The following USP3 variants were observed in gnomAD, a reference collection of about 807,000 sequenced individuals.
USP3 encodes ubiquitin specific peptidase 3.
USP3 carries 20 observed loss-of-function variants against 72.3 expected under a neutral mutation model. That is an observed-to-expected ratio of 0.28 (90% CI 0.19 to 0.40). USP3 has a LOEUF of 0.40. Ranked by LOEUF, USP3 falls within the 10% of genes least tolerant of loss-of-function variation. The pLI, the probability that USP3 is intolerant of heterozygous loss-of-function variation, is 1.00. For missense variants in USP3, 479 were observed against 633.9 expected (o/e 0.76, Z 2.62); for synonymous variants, 222 against 225.3 (o/e 0.99, Z 0.13).
Position 63,529,178 on chromosome 15 carries a change from G to GTT in USP3, c.92-3457_92-3456dup, listed in dbSNP as rs11351032. The GTT allele has an allele frequency of 1.8e-3, 856 of 487,592 alleles. No homozygotes were observed. Among genetic ancestry groups the GTT allele is most frequent in the East Asian group, 2.5e-3 (32 of 13,008 alleles). The allele number at this position is 487,592 out of a possible 1,614,324, so 30.2% of individuals were successfully genotyped here. ...ACCACACTTGGCAGGTAGTAAAGTG[G>GTT]TTTTTTTTTTTTTCTTTTTTTTGAG... On this transcript the variant is annotated intron_variant, in intron 1 of 14. Transcript: ENST00000380324. This position sits in a 1 kb window ranked among gnomAD's most constrained non-coding sequence, Gnocchi z 4.2.
intron 9 of USP3, among the ~76,000 whole-genome samples, chr15:63,573,776 T>A (rs2066817763): frequency 6.6e-6 from 1 of 152,188 alleles, no homozygotes; most frequent in Admixed American, 6.5e-5. Flanking sequence ...TGTGTTATGA[T>A]AGCAAATGGC....
At chr15:63,578,330 C>T (rs1054092105) in intron 11 of USP3, among the ~76,000 whole-genome samples, 9 of 150,384 alleles carry the variant, frequency 6.0e-5, no homozygotes, top group African/African-American at 2.2e-4. Context: ...CTTGGCCAGG[C>T]GTGGTGGCTG....
At chr15:63,512,122 A>AT (rs2065791648) in intron 1 of USP3, among the ~76,000 whole-genome samples, 1 of 151,716 alleles carries the variant, frequency 6.6e-6, no homozygotes, top group Non-Finnish European at 1.5e-5. Context: ...TACCCGGCTA[A>AT]TTTTTTGTAT....
chr15:63,567,794 T>C (rs1171019287), intron 8 of USP3, among the ~76,000 whole-genome samples: 4 of 152,228 alleles, frequency 2.6e-5, no homozygotes, highest in Non-Finnish European at 5.9e-5. Flanking sequence ...TCATTTTTTA[T>C]TGGAACATTT....
intron 1 of USP3, among the ~76,000 whole-genome samples, chr15:63,511,752 G>C (rs1022678197): frequency 1.3e-5 from 2 of 152,094 alleles, no homozygotes; most frequent in African/African-American, 2.4e-5. Flanking sequence ...GAGGTGGTTT[G>C]TTGTAGGGTG....
In USP3 at chr15:63,504,613, C is replaced by T. The variant is rs970224361; in HGVS notation, c.-127C>T. 1.3e-6 allele frequency: 1 copy of T among 751,774 alleles called. No homozygotes were observed. The highest frequency in any genetic ancestry group is 2.0e-6 in the Non-Finnish European group (1 of 499,608). 46.6% of individuals were successfully genotyped at this position (751,774 alleles called of 1,614,324 possible). A position where few individuals can be genotyped will look rare whatever the true frequency, so the allele number is the denominator to read the frequency against. On this transcript the variant is annotated 5_prime_UTR_variant, in exon 1 of 15. Transcript: ENST00000380324. ...CCGTGCTTTCTTTGACGCAAGGGCT[C>T]GAGACGCAGCCGCCGTCGGCCGAGC... is the stretch of plus-strand genomic sequence containing the variant.
At chr15:63,539,506 T>C (rs1196748236) in intron 3 of USP3, among the ~76,000 whole-genome samples, 1 of 152,248 alleles carries the variant, frequency 6.6e-6, no homozygotes, top group Non-Finnish European at 1.5e-5. Flanking sequence ...AAATGTAGAT[T>C]ATATATTTTA....
chr15:63,528,288 A>G lies in USP3; in HGVS notation c.92-4359A>G, dbSNP rs1209078377. The G allele has an allele frequency of 6.6e-6, 1 of 151,902 alleles. No individual in the cohort carries two copies. The highest frequency in any genetic ancestry group is 1.5e-5 in the Non-Finnish European group (1 of 67,984). 9.4% of individuals were successfully genotyped at this position (151,902 alleles called of 1,614,324 possible). A position where few individuals can be genotyped will look rare whatever the true frequency, so the allele number is the denominator to read the frequency against. On this transcript the variant is annotated intron_variant, in intron 1 of 14. Coordinates refer to ENST00000380324, the MANE Select transcript of USP3 (RefSeq NM_006537.4). This position sits in a 1 kb window ranked among gnomAD's most constrained non-coding sequence, Gnocchi z 4.3. ...GTAAAAGATGAGTTTCACTTATGAG[A>G]CTCCCAGTCACACCGCTATGGCCAA... is the stretch of plus-strand genomic sequence containing the variant.
Position 63,588,325 on chromosome 15 carries a change from G to T in USP3, c.1117G>T (p.Asp373Tyr). The T allele has an allele frequency of 6.3e-7, 1 of 1,594,866 alleles. No individual in the cohort carries two copies. The highest frequency in any genetic ancestry group is 8.5e-7 in the Non-Finnish European group (1 of 1,175,294). ...SLRDCLRSFT[D>Y]LEELDETELY... ...TTTAGATTGTCTTCGCAGTTTTACC[G>T]ACTTAGAAGAACTTGATGAGACAGA... Residue 373 changes from aspartate to tyrosine, a missense_variant, in exon 12 of 15, where the codon GAC becomes TAC. Transcript: ENST00000380324. The surrounding 1 kb of genome is among the most constrained non-coding windows in gnomAD (Gnocchi z 4.6).
chr15:63,541,026 T>C (rs367878143), intron 3 of USP3, among the ~76,000 whole-genome samples: 1 of 152,218 alleles, frequency 6.6e-6, no homozygotes, highest in African/African-American at 2.4e-5. Flanking sequence ...GGTTTTTTTA[T>C]GGAGGTAGAC....
chr15:63,532,786 G>T, intron 2 of USP3, 79 bp downstream of exon 2: 1 of 1,466,768 alleles, frequency 6.8e-7, no homozygotes, highest in South Asian at 1.2e-5. Flanking sequence ...GAGTTTTATT[G>T]ATTTGGATTT....
intron 3 of USP3, among the ~76,000 whole-genome samples, chr15:63,549,413 T>A (rs1039372890): frequency 6.6e-6 from 1 of 152,222 alleles, no homozygotes; most frequent in African/African-American, 2.4e-5. Context: ...TGTCAAAATA[T>A]CCATGCAGGT....
chr15:63,571,627 T>C (rs993693764), intron 9 of USP3, among the ~76,000 whole-genome samples: 11 of 152,288 alleles, frequency 7.2e-5, no homozygotes, highest in East Asian at 1.9e-4. Flanking sequence ...ACAAAGGATA[T>C]TGAACTGGGC....
intron 11 of USP3, among the ~76,000 whole-genome samples, chr15:63,583,181 C>T (rs889500467): frequency 1.2e-4 from 19 of 152,088 alleles, no homozygotes; most frequent in Admixed American, 7.9e-4. Context: ...CTAGGTAGCA[C>T]AGGCAACAAT....
At chr15:63,511,475 G>C (rs1313227737) in intron 1 of USP3, among the ~76,000 whole-genome samples, 1 of 151,998 alleles carries the variant, frequency 6.6e-6, no homozygotes, top group Non-Finnish European at 1.5e-5. Context: ...AATATTGAAA[G>C]TGCTGGCAAG....
chr15:63,528,924 C>T lies in USP3; in HGVS notation c.92-3723C>T, dbSNP rs1333051620. 4.1e-6 allele frequency: 4 copies of T among 982,468 alleles called. No individual in the cohort carries two copies. The Admixed American group carries it at 1.2e-4, about 30-fold the overall frequency. 60.9% of individuals were successfully genotyped at this position (982,468 alleles called of 1,614,324 possible). A position where few individuals can be genotyped will look rare whatever the true frequency, so the allele number is the denominator to read the frequency against. On this transcript the variant is annotated intron_variant, in intron 1 of 14. Transcript: ENST00000380324. This position sits in a 1 kb window ranked among gnomAD's most constrained non-coding sequence, Gnocchi z 4.3. ...TTAAAGGTTCTTAATTTGGATGAAG[C>T]ATGTATAAACAGAGTGAATATTCCC... is the stretch of plus-strand genomic sequence containing the variant.
At chr15:63,542,092 A>G (rs1370924018) in intron 3 of USP3, 1 of 985,050 alleles carries the variant, frequency 1.0e-6, no homozygotes, top group East Asian at 1.1e-4. Context: ...ATATTTTCTT[A>G]GTTCTTCAAG....
At chr15:63,515,047 A>G (rs2065833239) in intron 1 of USP3, among the ~76,000 whole-genome samples, 1 of 152,200 alleles carries the variant, frequency 6.6e-6, no homozygotes, top group Admixed American at 6.5e-5. Context: ...TTTTGAAGCT[A>G]TTTGTGTCTG....
intron 3 of USP3, among the ~76,000 whole-genome samples, chr15:63,546,390 C>T (rs144324489): frequency 8.8e-4 from 134 of 152,256 alleles, no homozygotes; most frequent in African/African-American, 3.0e-3. Flanking sequence ...CCAATCTACA[C>T]GTTTTTGAAA....
Sources: gnomAD v4.1 joint callset for allele counts (sites outside exome capture counted in the v4.1 genomes callset) on GRCh38, gnomAD v4.1.1 for gene constraint, Gnocchi (gnomAD v3.1) non-coding constraint, MANE v1.5 for transcripts, NCBI Gene and HGNC (gene_info 2026-07-23, HGNC 2026-07-21) for gene names.